ZNF407: variants seen among roughly 807,000 people sequenced by gnomAD.
ZNF407 encodes zinc finger protein 407.
Under a neutral mutation model 131.2 loss-of-function variants are expected in ZNF407, and 17 were observed. The observed-to-expected ratio is 0.13, with a 90% confidence interval of 0.09 to 0.19. ZNF407 has a LOEUF of 0.19. ZNF407 is among the 10% of genes least tolerant of loss of function. ZNF407 has a pLI of 1.00. For missense variants in ZNF407, 2,681 were observed against 2,830.6 expected (o/e 0.95, Z 1.20); for synonymous variants, 1,156 against 1,062.0 (o/e 1.09, Z -1.72).
chr18:74,811,207 G>A (rs941984770), intron 4 of ZNF407, among the ~76,000 whole-genome samples: 3 of 152,098 alleles, frequency 2.0e-5, no homozygotes, highest in African/African-American at 7.2e-5. Context: ...ATCAAAAAGT[G>A]GGCGAAGGAC....
intron 7 of ZNF407, among the ~76,000 whole-genome samples, chr18:74,913,418 G>GA (rs1971701106): frequency 6.6e-6 from 1 of 152,200 alleles, no homozygotes; most frequent in Non-Finnish European, 1.5e-5. Context: ...ACATGTAGGG[G>GA]AGATAAGCGT....
intron 7 of ZNF407, chr18:74,905,946 CTT>C (rs1468237317): frequency 2.0e-5 from 3 of 152,292 alleles, no homozygotes; most frequent in African/African-American, 4.8e-5. Flanking sequence ...AAAAAAGAGA[CTT>C]TGGGTAATTC....
intron 3 of ZNF407, among the ~76,000 whole-genome samples, chr18:74,689,834 A>T (rs912216402): frequency 6.6e-6 from 1 of 152,158 alleles, no homozygotes; most frequent in Non-Finnish European, 1.5e-5. Flanking sequence ...GTGATGGCAG[A>T]TAACAGCTGG....
intron 8 of ZNF407, among the ~76,000 whole-genome samples, chr18:74,967,170 C>G (rs1972418964): frequency 6.6e-6 from 1 of 152,142 alleles, no homozygotes; most frequent in Admixed American, 6.5e-5. Flanking sequence ...GGGAGGATCA[C>G]CTGAGCCTGG....
intron 8 of ZNF407, among the ~76,000 whole-genome samples, chr18:75,053,161 C>T (rs868310406): frequency 6.6e-6 from 1 of 152,090 alleles, no homozygotes; most frequent in African/African-American, 2.4e-5. Flanking sequence ...TTCAGTGTGC[C>T]GTGCATAGCT....
At chr18:74,863,866 C>T (rs1240397154) in intron 4 of ZNF407, among the ~76,000 whole-genome samples, 1 of 152,166 alleles carries the variant, frequency 6.6e-6, no homozygotes, top group Non-Finnish European at 1.5e-5. Flanking sequence ...CTTTGCATAT[C>T]TGAACCTCTG....
At chr18:74,729,198 T>C (rs142412703) in intron 3 of ZNF407, among the ~76,000 whole-genome samples, 2 of 152,340 alleles carry the variant, frequency 1.3e-5, no homozygotes, top group South Asian at 2.1e-4. Context: ...AGTACTATTA[T>C]GGAGTGATGG....
intron 8 of ZNF407, among the ~76,000 whole-genome samples, chr18:75,015,430 G>A (rs1184271807): frequency 6.6e-6 from 1 of 150,918 alleles, no homozygotes; most frequent in Non-Finnish European, 1.5e-5. Flanking sequence ...TAAGTGAGAT[G>A]TACTCCGGTA....
At chr18:74,695,362 G>A (rs996437024) in intron 3 of ZNF407, among the ~76,000 whole-genome samples, 2 of 152,168 alleles carry the variant, frequency 1.3e-5, no homozygotes, top group Admixed American at 6.5e-5. Context: ...GTCAGGATAC[G>A]AGCATGTGGC....
intron 3 of ZNF407, among the ~76,000 whole-genome samples, chr18:74,729,599 G>A (rs2144891516): frequency 6.6e-6 from 1 of 152,156 alleles, no homozygotes; most frequent in East Asian, 1.9e-4. Flanking sequence ...TATAAAATAT[G>A]CTGTGTTCTG....
intron 3 of ZNF407, among the ~76,000 whole-genome samples, chr18:74,699,503 G>T (rs1226660710): frequency 1.3e-5 from 2 of 152,086 alleles, no homozygotes; most frequent in African/African-American, 4.8e-5. Flanking sequence ...AGACAGTTTT[G>T]AGACTTTAAA....
At chr18:75,042,145 C>T (rs2122242347) in intron 8 of ZNF407, among the ~76,000 whole-genome samples, 1 of 151,894 alleles carries the variant, frequency 6.6e-6, no homozygotes, top group South Asian at 2.1e-4. Flanking sequence ...CAGTGGTCCT[C>T]CCACCTTGGC....
intron 3 of ZNF407, among the ~76,000 whole-genome samples, chr18:74,687,638 A>G (rs2144790977): frequency 6.6e-6 from 1 of 152,312 alleles, no homozygotes; most frequent in East Asian, 1.9e-4. Flanking sequence ...AATTCAAGCC[A>G]CTGTTAAATT....
chr18:74,784,513 A>T (rs953460078), intron 4 of ZNF407, among the ~76,000 whole-genome samples: 1 of 152,130 alleles, frequency 6.6e-6, no homozygotes, highest in Non-Finnish European at 1.5e-5. Context: ...TTTCTTTGAG[A>T]CTCTGTGAAC....
intron 3 of ZNF407, among the ~76,000 whole-genome samples, chr18:74,722,965 A>T (rs2043936211): frequency 6.6e-6 from 1 of 151,852 alleles, no homozygotes; most frequent in Non-Finnish European, 1.5e-5. Context: ...GACCTCTTGT[A>T]ATTATTTCTT....
At chr18:74,740,955 A>C (rs1968535010) in intron 3 of ZNF407, among the ~76,000 whole-genome samples, 1 of 152,168 alleles carries the variant, frequency 6.6e-6, no homozygotes, top group African/African-American at 2.4e-5. Context: ...TACCAGTTTT[A>C]TAGTTGTCTC....
At chr18:74,780,790 C>T (rs927680978) in intron 3 of ZNF407, among the ~76,000 whole-genome samples, 12 of 152,086 alleles carry the variant, frequency 7.9e-5, no homozygotes, top group African/African-American at 2.4e-4. Context: ...CTGCTGATTC[C>T]TGTCCATTTC....
At chr18:74,877,127 C>T (rs566593577) in intron 4 of ZNF407, 70 bp from the exon 5 acceptor site, 87 of 1,443,514 alleles carry the variant, frequency 6.0e-5, no homozygotes, top group Admixed American at 8.5e-5. Context: ...GGTTCGCACA[C>T]GCGCTGCCTG....
chr18:74,998,061 G>A (rs898074158), intron 8 of ZNF407, among the ~76,000 whole-genome samples: 1 of 152,124 alleles, frequency 6.6e-6, no homozygotes, highest in Non-Finnish European at 1.5e-5. Flanking sequence ...TGAGGAGCCT[G>A]GTGCCAGCTG....
Sources: gnomAD v4.1 joint callset for allele counts (sites outside exome capture counted in the v4.1 genomes callset) on GRCh38, gnomAD v4.1.1 for gene constraint, MANE v1.5 for transcripts, NCBI Gene and HGNC (gene_info 2026-07-23, HGNC 2026-07-21) for gene names.